Variants in CDH12 observed in about 807,000 individuals in gnomAD.
CDH12 encodes the protein cadherin 12.
A neutral mutation model predicts 74.1 loss-of-function variants in CDH12; 41 were observed. The ratio of observed to expected loss-of-function variants is 0.55; its 90% CI spans 0.43 to 0.72. The LOEUF (loss-of-function observed/expected upper bound fraction) is 0.72, where lower values mean the gene tolerates loss of function less well. Ranked by LOEUF, CDH12 falls within the 30% of genes least tolerant of loss-of-function variation. The pLI, the probability that CDH12 is intolerant of heterozygous loss-of-function variation, is 0.00. For missense variants in CDH12, 945 were observed against 977.2 expected, an observed-to-expected ratio of 0.97 and a Z score of 0.44; for synonymous variants, 399 against 355.0, an observed-to-expected ratio of 1.12 and a Z score of -1.39.
intron 5 of CDH12, among the ~76,000 whole-genome samples, chr5:22,026,121 A>T (rs1252959653): frequency 6.6e-6 from 1 of 152,150 alleles, no homozygotes; most frequent in East Asian, 1.9e-4. Context: ...TGGAATGGTG[A>T]TTCCTATCCA....
intron 5 of CDH12, among the ~76,000 whole-genome samples, chr5:22,021,118 C>A (rs185698411): frequency 2.0e-5 from 3 of 152,182 alleles, no homozygotes; most frequent in African/African-American, 7.2e-5. Flanking sequence ...GGAAAGGACC[C>A]AAGACTAAAC....
chr5:22,623,583 AAT>A (rs1282963038), intron 1 of CDH12, among the ~76,000 whole-genome samples: 1 of 152,202 alleles, frequency 6.6e-6, no homozygotes, highest in Non-Finnish European at 1.5e-5. Flanking sequence ...AAGAGAATCA[AAT>A]ACCTAGGAAT....
At chr5:22,323,645 C>T (rs1738974792) in intron 3 of CDH12, among the ~76,000 whole-genome samples, 1 of 152,124 alleles carries the variant, frequency 6.6e-6, no homozygotes, top group Non-Finnish European at 1.5e-5. Context: ...GACTAGTGCT[C>T]TGTAAGTACA....
intron 1 of CDH12, among the ~76,000 whole-genome samples, chr5:22,846,929 T>C (rs1737331043): frequency 7.9e-6 from 1 of 126,482 alleles, no homozygotes. Flanking sequence ...GATTTGAGTA[T>C]ATGAAAGAAT....
At chr5:22,399,498 A>G (rs1016449349) in intron 3 of CDH12, among the ~76,000 whole-genome samples, 1 of 152,178 alleles carries the variant, frequency 6.6e-6, no homozygotes. Flanking sequence ...CAGCCTCTTA[A>G]AAGGACATCT....
chr5:22,032,834 ACG>A (rs1024682394), intron 5 of CDH12, among the ~76,000 whole-genome samples: 6 of 149,898 alleles, frequency 4.0e-5, no homozygotes, highest in African/African-American at 1.2e-4. Flanking sequence ...ACACACACAC[ACG>A]CACACACACA....
At chr5:21,880,498 C>T (rs1355629235) in intron 6 of CDH12, among the ~76,000 whole-genome samples, 2 of 11,934 alleles carry the variant, frequency 1.7e-4, no homozygotes, top group Middle Eastern at 0.083. Context: ...TTCCTTCCTT[C>T]CTTCCTCCCT....
chr5:22,202,564 A>G (rs920090852), intron 4 of CDH12, among the ~76,000 whole-genome samples: 2 of 152,142 alleles, frequency 1.3e-5, no homozygotes, highest in Non-Finnish European at 2.9e-5. Flanking sequence ...TAAATAGCTC[A>G]GTTTGACTTT....
At chr5:22,691,766 C>T (rs1413137727) in intron 1 of CDH12, among the ~76,000 whole-genome samples, 2 of 152,120 alleles carry the variant, frequency 1.3e-5, no homozygotes, top group African/African-American at 4.8e-5. Context: ...CCCTATCCCC[C>T]ACACTAATTG....
chr5:22,694,571 A>G (rs1190809483), intron 1 of CDH12, among the ~76,000 whole-genome samples: 1 of 151,940 alleles, frequency 6.6e-6, no homozygotes, highest in Non-Finnish European at 1.5e-5. Flanking sequence ...GTTTCTTATA[A>G]ATTTTTTTAC....
chr5:22,236,795 C>A (rs1328860643), intron 3 of CDH12, among the ~76,000 whole-genome samples: 1 of 151,892 alleles, frequency 6.6e-6, no homozygotes, highest in East Asian at 1.9e-4. Context: ...TAACCTAAAC[C>A]TTCACCAGAT....
At position 22,078,530 on chromosome 5, in the gene CDH12, G is replaced by A. The variant is rs746266098; in HGVS notation, c.147C>T (p.Phe49=). ...ATACCCAGCCACGTTTAACACGTTG[G>A]AAATGTGACCGTTGTCCTGGCAGAT... The part of the protein sequence containing the change: ...VIHLPGQRSH[F]QRVKRGWVWN... The change falls in exon 5 of 15, where the codon TTC becomes TTT. Residue 49 remains phenylalanine, a synonymous_variant. Coordinates refer to ENST00000382254, the MANE Select transcript of CDH12 (RefSeq NM_004061.5). 6.2e-7 allele frequency: 1 copy of A among 1,613,900 alleles called. No homozygotes were observed. Among genetic ancestry groups the A allele is most frequent in the South Asian group, 1.1e-5 (1 of 91,078 alleles).
intron 1 of CDH12, among the ~76,000 whole-genome samples, chr5:22,697,169 G>T (rs1742414725): frequency 6.6e-6 from 1 of 152,110 alleles, no homozygotes; most frequent in Admixed American, 6.5e-5. Context: ...AAACAGTAAA[G>T]CAGATGATAT....
At chr5:22,791,191 T>G (rs1026872032) in intron 1 of CDH12, among the ~76,000 whole-genome samples, 14 of 152,316 alleles carry the variant, frequency 9.2e-5, no homozygotes, top group African/African-American at 2.9e-4. Context: ...GTTTGTTTTC[T>G]CAAAACTCTA....
intron 5 of CDH12, among the ~76,000 whole-genome samples, chr5:21,996,690 T>C (rs1736322591): frequency 6.6e-6 from 1 of 152,192 alleles, no homozygotes; most frequent in Non-Finnish European, 1.5e-5. Context: ...TATGTTCCTA[T>C]AAAATTTAAA....
chr5:22,521,038 G>A (rs1311995773), intron 1 of CDH12, among the ~76,000 whole-genome samples: 1 of 150,242 alleles, frequency 6.7e-6, no homozygotes, highest in African/African-American at 2.5e-5. Flanking sequence ...TGAGCATCCT[G>A]TATCATGGCA....
intron 5 of CDH12, among the ~76,000 whole-genome samples, chr5:22,048,798 T>C (rs1006392446): frequency 1.3e-5 from 2 of 151,968 alleles, no homozygotes; most frequent in Non-Finnish European, 2.9e-5. Context: ...GACATAAAAG[T>C]GTCAGAACTA....
chr5:22,792,453 G>C (rs1421484137), intron 1 of CDH12, among the ~76,000 whole-genome samples: 1 of 152,152 alleles, frequency 6.6e-6, no homozygotes, highest in Non-Finnish European at 1.5e-5. Flanking sequence ...AGATAGGTTA[G>C]CAGAAAACAG....
chr5:22,442,256 G>A (rs1280415030), intron 2 of CDH12, among the ~76,000 whole-genome samples: 1 of 152,088 alleles, frequency 6.6e-6, no homozygotes, highest in African/African-American at 2.4e-5. Context: ...AAGAGGAAAC[G>A]TAAGAGATCT....
Sources: allele counts gnomAD v4.1 joint callset (sites outside exome capture counted in the v4.1 genomes callset), GRCh38; gene constraint gnomAD v4.1.1; transcripts MANE v1.5; gene names NCBI Gene and HGNC (gene_info 2026-07-23, HGNC 2026-07-21).